AKT3: variants seen among roughly 807,000 people sequenced by gnomAD.
AKT3 encodes the protein AKT serine/threonine kinase 3.
Under a neutral mutation model 65.3 loss-of-function variants are expected in AKT3, and 15 were observed. The observed-to-expected ratio is 0.23, with a 90% CI of 0.15 to 0.35. The LOEUF is 0.35. AKT3 is among the 10% of genes least tolerant of loss of function. The pLI is 1.00. For synonymous variants in AKT3, 206 were observed against 183.8 expected, an observed-to-expected ratio of 1.12 and a Z score of -0.98; for missense variants, 243 against 576.5, an observed-to-expected ratio of 0.42 and a Z score of 5.92.
At chr1:243,521,266 A>G (rs1670702155) in intron 12 of AKT3, among the ~76,000 whole-genome samples, 1 of 152,198 alleles carries the variant, frequency 6.6e-6, no homozygotes, top group Admixed American at 6.5e-5. Flanking sequence ...TGTTTGCAGT[A>G]AAGAATTGCC....
At chr1:243,594,332 A>G (rs1371874786) in intron 8 of AKT3, among the ~76,000 whole-genome samples, 2 of 152,246 alleles carry the variant, frequency 1.3e-5, no homozygotes, top group African/African-American at 4.8e-5. Flanking sequence ...TATGGATTAA[A>G]TGCAATCATA....
Position 243,573,134 on chromosome 1 carries a change from C to G in AKT3, c.697-86G>C, listed in dbSNP as rs1674682987. ...CACAAACATAAAACACCTCTCATCA[C>G]CATATTGTGATGATAGATAGTGTAC... On this transcript the variant is annotated intron_variant, in intron 8 of 13. Transcript: ENST00000673466. 8 of 1,469,386 alleles carry G rather than the reference C, an allele frequency of 5.4e-6. No homozygotes were observed. The South Asian group carries it at 1.0e-4, about 18-fold the overall frequency. 91.0% of individuals were successfully genotyped at this position (1,469,386 alleles called of 1,614,324 possible).
intron 2 of AKT3, among the ~76,000 whole-genome samples, chr1:243,803,645 TACACACACACAC>T (rs72379577): frequency 0.019 from 2,534 of 136,722 alleles, 74 homozygotes; most frequent in African/African-American, 0.056. Flanking sequence ...GACGTACATG[TACACACACACAC>T]ACACACACAC....
intron 2 of AKT3, among the ~76,000 whole-genome samples, chr1:243,809,749 T>C (rs1377707369): frequency 2.0e-5 from 3 of 152,080 alleles, no homozygotes; most frequent in Non-Finnish European, 4.4e-5. Flanking sequence ...AGCACCACAC[T>C]ACACTTATTC....
intron 1 of AKT3, among the ~76,000 whole-genome samples, chr1:243,844,435 A>G (rs1007397295): frequency 2.0e-5 from 3 of 152,258 alleles, no homozygotes; most frequent in African/African-American, 7.2e-5. Context: ...TTGGGAAGAC[A>G]ATGCAAATAA....
chr1:243,680,011 A>G (rs1470601523), intron 3 of AKT3, among the ~76,000 whole-genome samples: 2 of 152,230 alleles, frequency 1.3e-5, no homozygotes, highest in Non-Finnish European at 2.9e-5. Flanking sequence ...TAATTATCTT[A>G]TAAGAACACC....
intron 2 of AKT3, among the ~76,000 whole-genome samples, chr1:243,753,138 A>G (rs573629701): frequency 6.6e-6 from 1 of 152,350 alleles, no homozygotes; most frequent in East Asian, 1.9e-4. Context: ...TTCACAGGCA[A>G]CACAAAGAAT....
chr1:243,509,929 C>T (rs928400545), intron 13 of AKT3, among the ~76,000 whole-genome samples: 1 of 152,142 alleles, frequency 6.6e-6, no homozygotes, highest in Non-Finnish European at 1.5e-5. Context: ...AAGGCAGGTT[C>T]CCCAGGTCTG....
chr1:243,491,324 CT>C (rs1171975265), intron 13 of AKT3, among the ~76,000 whole-genome samples: 1 of 152,204 alleles, frequency 6.6e-6, no homozygotes, highest in Non-Finnish European at 1.5e-5. Flanking sequence ...GTCTTTCTTT[CT>C]TCTTTTGCCT....
At chr1:243,706,058 T>C (rs761035058) in intron 2 of AKT3, among the ~76,000 whole-genome samples, 3 of 152,156 alleles carry the variant, frequency 2.0e-5, no homozygotes, top group Non-Finnish European at 4.4e-5. Flanking sequence ...CCTTATATTA[T>C]CTAAATATAA....
At chr1:243,534,328 CA>C (rs1272519959) in intron 12 of AKT3, among the ~76,000 whole-genome samples, 1 of 152,144 alleles carries the variant, frequency 6.6e-6, no homozygotes, top group African/African-American at 2.4e-5. Flanking sequence ...TCCAAGAAAA[CA>C]TAACAGTCCT....
At chr1:243,587,636 T>C (rs1178111882) in intron 8 of AKT3, among the ~76,000 whole-genome samples, 3 of 151,966 alleles carry the variant, frequency 2.0e-5, no homozygotes, top group Non-Finnish European at 4.4e-5. Flanking sequence ...AATACATACA[T>C]ACATACATAA....
At chr1:243,758,014 C>T (rs555444722) in intron 2 of AKT3, among the ~76,000 whole-genome samples, 2 of 152,168 alleles carry the variant, frequency 1.3e-5, no homozygotes, top group African/African-American at 4.8e-5. Context: ...CCACCCGCCT[C>T]GGCCTCCCAA....
At chr1:243,645,770 G>C (rs1304385873) in intron 5 of AKT3, 123 bp downstream of exon 5, 1 of 962,782 alleles carries the variant, frequency 1.0e-6, no homozygotes. Flanking sequence ...ATGTGAATAA[G>C]ACCCACCAAT....
chr1:243,704,954 T>G (rs1052639584), intron 2 of AKT3, among the ~76,000 whole-genome samples: 1 of 152,280 alleles, frequency 6.6e-6, no homozygotes, highest in Non-Finnish European at 1.5e-5. Flanking sequence ...TGGTCAATGT[T>G]GCCACTGCAG....
At chr1:243,577,446 C>G (rs1455323048) in intron 8 of AKT3, among the ~76,000 whole-genome samples, 1 of 152,028 alleles carries the variant, frequency 6.6e-6, no homozygotes, top group Non-Finnish European at 1.5e-5. Context: ...TGCATCTGGC[C>G]AGCACTCCCT....
intron 2 of AKT3, among the ~76,000 whole-genome samples, chr1:243,739,817 C>T (rs1251114174): frequency 1.3e-5 from 2 of 152,230 alleles, no homozygotes; most frequent in Non-Finnish European, 2.9e-5. Context: ...CCCCAAATCC[C>T]GGAACATGCT....
At chr1:243,679,352 T>A (rs990210754) in intron 3 of AKT3, among the ~76,000 whole-genome samples, 1 of 152,230 alleles carries the variant, frequency 6.6e-6, no homozygotes, top group East Asian at 1.9e-4. Context: ...TTTCTAGTTT[T>A]ATGTGAATAA....
chr1:243,849,338 C>G (rs1226252526), intron 1 of AKT3, among the ~76,000 whole-genome samples: 1 of 152,128 alleles, frequency 6.6e-6, no homozygotes. Context: ...CAAAACCCCA[C>G]TACTATTAAA....
Sources: allele counts gnomAD v4.1 joint callset (sites outside exome capture counted in the v4.1 genomes callset), GRCh38; gene constraint gnomAD v4.1.1; transcripts MANE v1.5; gene names NCBI Gene and HGNC (gene_info 2026-07-23, HGNC 2026-07-21).